Variants in MON2 observed in about 807,000 individuals in gnomAD.
The protein encoded by MON2 is MON2 regulator of endosome-to-Golgi trafficking.
A neutral mutation model predicts 208.6 loss-of-function variants in MON2; 84 were observed. The ratio of observed to expected loss-of-function variants is 0.40; its 90% CI spans 0.34 to 0.48. MON2 has a LOEUF of 0.48. MON2 is among the 20% of genes least tolerant of loss of function. The pLI is 0.59. For missense variants in MON2, 1,611 were observed against 2,015.4 expected (o/e 0.80, Z 3.84); for synonymous variants, 660 against 694.0 (o/e 0.95, Z 0.77).
At chr12:62,507,282 GTTTTC>G (rs1451331243) in intron 7 of MON2, among the ~76,000 whole-genome samples, 1 of 150,252 alleles carries the variant, frequency 6.7e-6, no homozygotes, top group East Asian at 1.9e-4. Context: ...TGTATAGCTT[GTTTTC>G]TTTTCTTTCT....
intron 23 of MON2, among the ~76,000 whole-genome samples, chr12:62,550,154 C>T (rs192411874): frequency 1.3e-5 from 2 of 152,288 alleles, no homozygotes; most frequent in Non-Finnish European, 2.9e-5. Flanking sequence ...ACAAGAAAAT[C>T]AGCTTGTACT....
chr12:62,524,937 C>T, intron 9 of MON2, 147 bp from the exon 10 acceptor site: 1 of 795,196 alleles, frequency 1.3e-6, no homozygotes, highest in Non-Finnish European at 1.9e-6. Context: ...AACCTTTGTC[C>T]TAAATTGGTA....
chr12:62,552,192 G>GGA (rs879322309), intron 23 of MON2, among the ~76,000 whole-genome samples: 4 of 152,108 alleles, frequency 2.6e-5, no homozygotes, highest in Non-Finnish European at 5.9e-5. Context: ...TGGGTATGCA[G>GGA]TGGGAGGTCC....
chr12:62,469,604 CATT>C (rs1372514870), intron 1 of MON2, among the ~76,000 whole-genome samples: 1 of 152,142 alleles, frequency 6.6e-6, no homozygotes, highest in Non-Finnish European at 1.5e-5. Context: ...CAAAGAGAGT[CATT>C]AGCCTAATTA....
At chr12:62,506,380 G>C (rs770122637) in intron 7 of MON2, among the ~76,000 whole-genome samples, 6 of 152,158 alleles carry the variant, frequency 3.9e-5, no homozygotes, top group Non-Finnish European at 7.4e-5. Flanking sequence ...GATTAGGCAA[G>C]ACTTTTATTT....
chr12:62,537,322 T>A, intron 15 of MON2, 59 bp downstream of exon 15: 1 of 1,220,668 alleles, frequency 8.2e-7, no homozygotes, highest in Non-Finnish European at 1.2e-6. Flanking sequence ...TTGTTGTACC[T>A]ATCTTTGTGT....
intron 12 of MON2, among the ~76,000 whole-genome samples, chr12:62,533,687 C>A (rs577499673): frequency 1.3e-5 from 2 of 152,198 alleles, no homozygotes; most frequent in South Asian, 4.1e-4. Context: ...AGTCCTGGTT[C>A]CTTTTAGTGG....
intron 20 of MON2, chr12:62,544,631 C>G (rs930228845): frequency 1.7e-6 from 1 of 596,652 alleles, no homozygotes; most frequent in African/African-American, 1.9e-5. Flanking sequence ...TAATTAAGAA[C>G]CTTGGTATTA....
Position 62,580,350 on chromosome 12 carries a change from G to A in MON2, c.4629G>A (p.Lys1543=). 6.2e-7 allele frequency: 1 copy of A among 1,607,808 alleles called. No individual in the cohort carries two copies. The change falls in exon 32 of 35, where the codon AAG becomes AAA. Residue 1543 remains lysine, a synonymous_variant. Transcript: ENST00000393630. The part of the protein sequence containing the change: ...EILPYANFIP[K]EFVGQIMTML... The stretch of plus-strand genomic sequence containing the variant: ...TACCTTATGCCAATTTTATTCCTAA[G>A]GAATTTGTTGGTCAAATAATGACAA...
At chr12:62,562,785 C>G (rs915232149) in intron 26 of MON2, among the ~76,000 whole-genome samples, 1 of 152,024 alleles carries the variant, frequency 6.6e-6, no homozygotes, top group Non-Finnish European at 1.5e-5. Flanking sequence ...TGTTTTCTTT[C>G]TAAAGGGGAG....
intron 25 of MON2, among the ~76,000 whole-genome samples, chr12:62,559,589 A>G (rs1210422804): frequency 1.3e-5 from 2 of 152,082 alleles, no homozygotes; most frequent in African/African-American, 2.4e-5. Context: ...ACCAGACTGG[A>G]CAACATAGCA....
chr12:62,571,649 C>T (rs1241798805), intron 30 of MON2, 67 bp downstream of exon 30: 2 of 1,295,894 alleles, frequency 1.5e-6, no homozygotes, highest in South Asian at 1.5e-5. Flanking sequence ...GCTCTAAAAA[C>T]AGTTGTCTTT....
At position 62,551,891 on chromosome 12, in the gene MON2, A is replaced by C. The variant is rs375134567; in HGVS notation, c.2917-990A>C. On this transcript the variant is annotated intron_variant, in intron 23 of 34. Coordinates refer to ENST00000393630, the MANE Select transcript of MON2 (RefSeq NM_015026.3). ...CCTCACAAGCTAGATAAGTTACTAC[A>C]TTCATCTCTTCCTACGTTCAGCTCT... is the stretch of plus-strand genomic sequence containing the variant. Among the ~76,000 whole-genome samples, 9 of 152,346 alleles carry C rather than the reference A, an allele frequency of 5.9e-5. No homozygotes were observed. In the East Asian group the frequency reaches 1.4e-3, roughly 23 times the overall value.
chr12:62,562,803 G>A (rs1413101733), intron 26 of MON2, among the ~76,000 whole-genome samples: 4 of 152,062 alleles, frequency 2.6e-5, no homozygotes, highest in Non-Finnish European at 4.4e-5. Flanking sequence ...GAGCATTTAT[G>A]TTGTTCTTCC....
intron 1 of MON2, chr12:62,470,753 T>C: frequency 8.9e-7 from 1 of 1,118,436 alleles, no homozygotes; most frequent in Non-Finnish European, 1.1e-6. Context: ...GGGGAGTCAT[T>C]CCTAGCAGAG....
Position 62,484,093 on chromosome 12 carries a change from A to G in MON2, c.112-77A>G, listed in dbSNP as rs2069614643. 4.8e-6 allele frequency: 5 copies of G among 1,048,640 alleles called. No individual in the cohort carries two copies. The South Asian group carries it at 5.7e-5, about 12-fold the overall frequency. 65.0% of individuals were successfully genotyped at this position (1,048,640 alleles called of 1,614,324 possible). A position where few individuals can be genotyped will look rare whatever the true frequency, so the allele number is the denominator to read the frequency against. On this transcript the variant is annotated intron_variant, in intron 1 of 34. Coordinates refer to ENST00000393630, the MANE Select transcript of MON2 (RefSeq NM_015026.3). The stretch of plus-strand genomic sequence containing the variant: ...TGACTTTGTGCTTGATATTTTGTCT[A>G]TCACATATGACTTATTTTCCATAGA...
chr12:62,495,288 A>C, intron 4 of MON2, 141 bp downstream of exon 4: 2 of 703,960 alleles, frequency 2.8e-6, no homozygotes, highest in Non-Finnish European at 4.4e-6. Flanking sequence ...GCATGTTAAT[A>C]ACTGTTGGTA....
chr12:62,545,308 T>TAAAAG (rs2073432968), intron 21 of MON2, among the ~76,000 whole-genome samples: 1 of 152,002 alleles, frequency 6.6e-6, no homozygotes, highest in Non-Finnish European at 1.5e-5. Flanking sequence ...GAGCCTCTTT[T>TAAAAG]GCTTTGGTCT....
intron 13 of MON2, 51 bp from the exon 14 acceptor site, chr12:62,535,474 A>G (rs778722802): frequency 1.5e-6 from 2 of 1,318,630 alleles, no homozygotes; most frequent in Non-Finnish European, 2.1e-6. Flanking sequence ...CATGCTTTAC[A>G]ATGTAATTAA....
Sources: allele counts gnomAD v4.1 joint callset (sites outside exome capture counted in the v4.1 genomes callset), GRCh38; gene constraint gnomAD v4.1.1; transcripts MANE v1.5; gene names NCBI Gene and HGNC (gene_info 2026-07-23, HGNC 2026-07-21).